The following CNTNAP5 variants were observed in gnomAD, a reference collection of about 807,000 sequenced individuals.
CNTNAP5 encodes contactin associated protein family member 5, also known as contactin-associated protein-like 5.
Under a neutral mutation model 150.2 loss-of-function variants are expected in CNTNAP5, and 72 were observed. That is an observed-to-expected ratio of 0.48 (90% confidence interval 0.40 to 0.58). The LOEUF is 0.58. Ranked by LOEUF, CNTNAP5 falls within the 20% of genes least tolerant of loss-of-function variation. The pLI is 0.00. For synonymous variants in CNTNAP5, 672 were observed against 619.8 expected, an observed-to-expected ratio of 1.08 and a Z score of -1.25; for missense variants, 1,636 against 1,626.2, an observed-to-expected ratio of 1.01 and a Z score of -0.10.
At chr2:124,119,290 TA>T (rs1457597136) in intron 1 of CNTNAP5, among the ~76,000 whole-genome samples, 1 of 152,140 alleles carries the variant, frequency 6.6e-6, no homozygotes, top group Admixed American at 6.6e-5. Context: ...TTTATTGTTC[TA>T]TTTTTTTAAT....
intron 1 of CNTNAP5, among the ~76,000 whole-genome samples, chr2:124,125,458 A>G (rs1253799594): frequency 6.6e-6 from 1 of 152,216 alleles, no homozygotes; most frequent in Non-Finnish European, 1.5e-5. Flanking sequence ...CCATGCAATA[A>G]CAATGGGAGA....
At chr2:124,510,512 T>C (rs1416141515) in intron 8 of CNTNAP5, among the ~76,000 whole-genome samples, 2,194 of 127,596 alleles carry the variant, frequency 0.017, 207 homozygotes, top group Admixed American at 0.089. Flanking sequence ...TATATATATA[T>C]ATATATACAT....
chr2:124,916,721 GCA>G lies in CNTNAP5; in HGVS notation c.*2435_*2436del, dbSNP rs1391910127. ...GTGAAGCTCTATCCTGACCACAATGGCACTACAAAATCAACTGGCATCTTCCT... is the reference window on the plus strand; with the variant it reads ...GTGAAGCTCTATCCTGACCACAATGGCTACAAAATCAACTGGCATCTTCCT... On this transcript the variant is annotated 3_prime_UTR_variant, in exon 24 of 24. Coordinates refer to ENST00000682447, the MANE Select transcript of CNTNAP5 (RefSeq NM_001367498.1). 6.6e-6 allele frequency among the ~76,000 whole-genome samples: 1 copy of G among 151,916 alleles called. No homozygotes were observed. The highest frequency in any genetic ancestry group is 1.5e-5 in the Non-Finnish European group (1 of 67,952).
At chr2:124,403,508 T>C (rs557183610) in intron 3 of CNTNAP5, among the ~76,000 whole-genome samples, 1 of 152,228 alleles carries the variant, frequency 6.6e-6, no homozygotes, top group Non-Finnish European at 1.5e-5. Context: ...AATAACAGTA[T>C]GTGCAGCATT....
At chr2:124,207,040 T>G (rs1685883397) in intron 1 of CNTNAP5, among the ~76,000 whole-genome samples, 1 of 152,234 alleles carries the variant, frequency 6.6e-6, no homozygotes, top group Admixed American at 6.5e-5. Context: ...ATGGTAGCCA[T>G]TCACATTTTC....
At chr2:124,230,160 A>AC (rs1434091180) in intron 2 of CNTNAP5, among the ~76,000 whole-genome samples, 3 of 151,602 alleles carry the variant, frequency 2.0e-5, no homozygotes, top group South Asian at 2.1e-4. Context: ...CACACTTACC[A>AC]CCCCCCATAC....
chr2:124,115,166 T>C (rs1683394272), intron 1 of CNTNAP5, among the ~76,000 whole-genome samples: 1 of 152,152 alleles, frequency 6.6e-6, no homozygotes, highest in African/African-American at 2.4e-5. Flanking sequence ...TTTTTAAGGA[T>C]GACATATATA....
intron 3 of CNTNAP5, among the ~76,000 whole-genome samples, chr2:124,399,123 C>T (rs185377886): frequency 6.6e-6 from 1 of 152,220 alleles, no homozygotes; most frequent in East Asian, 1.9e-4. Flanking sequence ...TTAAAATTTG[C>T]CTCCTCAACT....
chr2:124,671,566 C>T (rs955332867), intron 13 of CNTNAP5, among the ~76,000 whole-genome samples: 1 of 152,086 alleles, frequency 6.6e-6, no homozygotes, highest in African/African-American at 2.4e-5. Flanking sequence ...TTTCTGAATT[C>T]TTTGCTTATC....
At chr2:124,155,386 C>T (rs1021584990) in intron 1 of CNTNAP5, among the ~76,000 whole-genome samples, 1 of 151,912 alleles carries the variant, frequency 6.6e-6, no homozygotes, top group African/African-American at 2.4e-5. Flanking sequence ...CAACTGAATC[C>T]GTGGTCTGTG....
chr2:124,129,599 A>G (rs945021507), intron 1 of CNTNAP5, among the ~76,000 whole-genome samples: 1 of 152,206 alleles, frequency 6.6e-6, no homozygotes, highest in Non-Finnish European at 1.5e-5. Context: ...AATTGCATTC[A>G]TGCAGGGGTT....
rs915203067 is a variant in CNTNAP5 at position 124,877,663 on chromosome 2, T to C, written c.3436+7901T>C. Among the ~76,000 whole-genome samples, 3 of 152,264 alleles carry C rather than the reference T, an allele frequency of 2.0e-5. No individual in the cohort carries two copies. The East Asian group carries it at 5.8e-4, about 29-fold the overall frequency. On this transcript the variant is annotated intron_variant, in intron 21 of 23. Transcript: ENST00000682447. Reference sequence around the variant, plus strand: ...GATCTTGCTTATCTTAAAAATTAATTCTTTCAAAGGAAAGTTATTTGGGTG... The same window carrying C: ...GATCTTGCTTATCTTAAAAATTAATCCTTTCAAAGGAAAGTTATTTGGGTG...
chr2:124,034,673 A>C (rs1681162619), intron 1 of CNTNAP5, among the ~76,000 whole-genome samples: 1 of 152,200 alleles, frequency 6.6e-6, no homozygotes, highest in South Asian at 2.1e-4. Flanking sequence ...GCCCCTCCAA[A>C]AAACTGAAGA....
intron 3 of CNTNAP5, among the ~76,000 whole-genome samples, chr2:124,265,210 T>C (rs1687573885): frequency 1.3e-5 from 2 of 152,204 alleles, no homozygotes; most frequent in Non-Finnish European, 2.9e-5. Context: ...AAGCTCCCAC[T>C]GTGCACTGCT....
chr2:124,050,665 A>G (rs1681672078), intron 1 of CNTNAP5, among the ~76,000 whole-genome samples: 1 of 151,926 alleles, frequency 6.6e-6, no homozygotes, highest in African/African-American at 2.4e-5. Context: ...CTTACATGGT[A>G]CCTTTGACAC....
At chr2:124,056,503 G>A (rs1241677264) in intron 1 of CNTNAP5, among the ~76,000 whole-genome samples, 4 of 152,126 alleles carry the variant, frequency 2.6e-5, no homozygotes, top group Admixed American at 6.5e-5. Context: ...AAAATTAGCC[G>A]GCTGTGGTGG....
At chr2:124,812,837 A>G (rs977309814) in intron 19 of CNTNAP5, among the ~76,000 whole-genome samples, 2 of 152,078 alleles carry the variant, frequency 1.3e-5, no homozygotes, top group Admixed American at 1.3e-4. Context: ...CCTTGGGCCC[A>G]TGTTCTCAGG....
Position 124,609,803 on chromosome 2 carries a change from A to G in CNTNAP5, c.1759A>G (p.Ile587Val). ...SYTGATCHNSIYEQSCEVYRH... is the reference protein window; with the variant it reads ...SYTGATCHNSVYEQSCEVYRH... ...CTCTGCTGCCTTTGTCTTTCCAGCCATCTACGAGCAATCCTGCGAGGTGTA... is the reference window on the plus strand; with the variant it reads ...CTCTGCTGCCTTTGTCTTTCCAGCCGTCTACGAGCAATCCTGCGAGGTGTA... The change falls in exon 12 of 24, where the codon ATC becomes GTC. Residue 587 changes from isoleucine (I) to valine (V), a missense_variant and splice_region_variant. By Grantham distance (29) the Ile-to-Val change is conservative. Coordinates refer to ENST00000682447, the MANE Select transcript of CNTNAP5 (RefSeq NM_001367498.1). 6.2e-7 allele frequency: 1 copy of G among 1,613,560 alleles called. No homozygotes were observed. The highest frequency in any genetic ancestry group is 8.5e-7 in the Non-Finnish European group (1 of 1,179,544).
intron 13 of CNTNAP5, among the ~76,000 whole-genome samples, chr2:124,699,334 G>T (rs1679471995): frequency 6.6e-6 from 1 of 152,142 alleles, no homozygotes; most frequent in South Asian, 2.1e-4. Flanking sequence ...CTGTTTGTAG[G>T]TTGCAGGGAG....
Sources: allele counts gnomAD v4.1 joint callset (sites outside exome capture counted in the v4.1 genomes callset), GRCh38; gene constraint gnomAD v4.1.1; transcripts MANE v1.5; gene names NCBI Gene and HGNC (gene_info 2026-07-23, HGNC 2026-07-21).